The following PCDHGA2 variants were observed in gnomAD, a reference collection of about 807,000 sequenced individuals.
PCDHGA2 encodes the protein protocadherin gamma-A2.
A neutral mutation model predicts 59.2 loss-of-function variants in PCDHGA2; 40 were observed. That is an observed-to-expected ratio of 0.68 (90% CI 0.52 to 0.88). The LOEUF (loss-of-function observed/expected upper bound fraction) is 0.88, where lower values mean the gene tolerates loss of function less well. PCDHGA2 is among the 40% of genes least tolerant of loss of function. The pLI is 0.00. For missense variants in PCDHGA2, 1,226 were observed against 1,204.0 expected, an observed-to-expected ratio of 1.02 and a Z score of -0.27; for synonymous variants, 560 against 526.0, an observed-to-expected ratio of 1.06 and a Z score of -0.89.
At position 141,503,509 on chromosome 5, in the gene PCDHGA2, G is replaced by A. The variant is rs373282648; in HGVS notation, c.2484-1884G>A. ...AGCTGCTCAAGAGGCTGAGGCAGGA[G>A]AATCACTTGAACCTGGGAGGCAGAG... On this transcript the variant is annotated intron_variant, in intron 2 of 3. Transcript: ENST00000394576. Among the ~76,000 whole-genome samples the A allele has an allele frequency of 9.4e-5, 14 of 149,410 alleles. No individual in the cohort carries two copies. The South Asian group carries it at 1.5e-3, about 16-fold the overall frequency.
intron 1 of PCDHGA2, among the ~76,000 whole-genome samples, chr5:141,454,924 C>T (rs1252057038): frequency 6.7e-6 from 1 of 149,858 alleles, no homozygotes; most frequent in Non-Finnish European, 1.5e-5. Context: ...TCTCCTGCCT[C>T]AGCCTCCCGA....
Position 141,491,265 on chromosome 5 carries a change from CA to C in PCDHGA2, c.2425-3539del. ...AGGATGAGGACCCTGAGGAAATGCC[CA>C]AATCCAGTGACTTCCTCATACACCC... On this transcript the variant is annotated intron_variant, in intron 1 of 3. Coordinates refer to ENST00000394576, the MANE Select transcript of PCDHGA2 (RefSeq NM_018915.4). This position sits in a 1 kb window ranked among gnomAD's most constrained non-coding sequence, Gnocchi z 6.9. 1 of 1,614,074 alleles carries C rather than the reference CA, an allele frequency of 6.2e-7. No individual in the cohort carries two copies.
At chr5:141,468,953 T>G (rs182999574) in intron 1 of PCDHGA2, among the ~76,000 whole-genome samples, 1,938 of 89,156 alleles carry the variant, frequency 0.022, 22 homozygotes, top group Non-Finnish European at 0.033. Flanking sequence ...AAACCTGTGG[T>G]TTTTTTTACC....
chr5:141,413,050 G>C (rs868475186), intron 1 of PCDHGA2: 5 of 939,920 alleles, frequency 5.3e-6, no homozygotes, highest in Middle Eastern at 3.3e-4. Flanking sequence ...CTGCAGGGAA[G>C]CTCACTCCAG....
At chr5:141,376,287 T>A in intron 1 of PCDHGA2, 1 of 1,614,228 alleles carries the variant, frequency 6.2e-7, no homozygotes, top group Non-Finnish European at 8.5e-7. Flanking sequence ...TTAGCGAGCA[T>A]GCCCGGCTCG....
At chr5:141,353,863 T>C (rs773709033) in intron 1 of PCDHGA2, among the ~76,000 whole-genome samples, 4 of 152,250 alleles carry the variant, frequency 2.6e-5, no homozygotes, top group Non-Finnish European at 5.9e-5. Context: ...ACGTTTAATC[T>C]ACTCTCTCAA....
chr5:141,434,506 T>C (rs2154556236), intron 1 of PCDHGA2, among the ~76,000 whole-genome samples: 2 of 152,344 alleles, frequency 1.3e-5, no homozygotes, highest in East Asian at 3.9e-4. Context: ...GGCAGAAAAC[T>C]GCTTAAAGGT....
In PCDHGA2 at chr5:141,477,472, C is replaced by T. The variant is rs764533834; in HGVS notation, c.2425-17335C>T. 1 of 1,614,156 alleles carries T rather than the reference C, an allele frequency of 6.2e-7. No homozygotes were observed. Among genetic ancestry groups the T allele is most frequent in the South Asian group, 1.1e-5 (1 of 91,080 alleles). Reference sequence around the variant, plus strand: ...GTGTTCAAGTGTCCGACATCAATGACAACCCTCCACAATCTTCTCAATCTT... The same window carrying T: ...GTGTTCAAGTGTCCGACATCAATGATAACCCTCCACAATCTTCTCAATCTT... On this transcript the variant is annotated intron_variant, in intron 1 of 3. Transcript: ENST00000394576. This position sits in a 1 kb window ranked among gnomAD's most constrained non-coding sequence, Gnocchi z 4.9.
At chr5:141,398,041 G>A in intron 1 of PCDHGA2, 3 of 1,492,894 alleles carry the variant, frequency 2.0e-6, no homozygotes, top group Non-Finnish European at 2.7e-6. Context: ...ACTAAAGCCC[G>A]TTCGGAGATC....
At chr5:141,440,165 A>G (rs935524872) in intron 1 of PCDHGA2, 2 of 152,300 alleles carry the variant, frequency 1.3e-5, no homozygotes, top group African/African-American at 4.8e-5. Flanking sequence ...AGCTTGGGCC[A>G]TAACGCTTTG....
At chr5:141,361,570 C>T in intron 1 of PCDHGA2, 1 of 1,614,036 alleles carries the variant, frequency 6.2e-7, no homozygotes, top group Non-Finnish European at 8.5e-7. Context: ...TGCCTCTGAC[C>T]CTGACTTGGG....
intron 1 of PCDHGA2, chr5:141,408,054 C>G (rs1561710214): frequency 1.5e-6 from 2 of 1,295,924 alleles, no homozygotes; most frequent in East Asian, 2.6e-5. Flanking sequence ...CACAGAGCCT[C>G]CCGGCTGCGC....
In PCDHGA2 at chr5:141,423,465, G is replaced by A. The variant is rs762995150; in HGVS notation, c.2425-71342G>A. On this transcript the variant is annotated intron_variant, in intron 1 of 3. Coordinates refer to ENST00000394576, the MANE Select transcript of PCDHGA2 (RefSeq NM_018915.4). ...CGTCACATTTTGTAGGCGTGGACGG[G>A]GTACAGGCTTTCCTGCAAACCTATT... The A allele has an allele frequency of 2.6e-5, 42 of 1,614,006 alleles. 1 individual carries two copies. The Middle Eastern group carries it at 1.5e-3, about 57-fold the overall frequency.
intron 2 of PCDHGA2, among the ~76,000 whole-genome samples, chr5:141,504,451 G>A (rs2099838355): frequency 1.3e-5 from 2 of 152,070 alleles, no homozygotes; most frequent in South Asian, 4.2e-4. Context: ...CTAGTGCCAT[G>A]TGGGGCAGCC....
chr5:141,365,178 A>G, intron 1 of PCDHGA2: 2 of 1,613,928 alleles, frequency 1.2e-6, no homozygotes, highest in Non-Finnish European at 1.7e-6. Flanking sequence ...TCTTTTCGCA[A>G]TGAAGAAGAA....
In PCDHGA2 at chr5:141,493,811, A is replaced by T. The variant is rs956872917; in HGVS notation, c.2425-996A>T. Reference sequence around the variant, plus strand: ...CTCCCTGGAGTAATCTGAGATACTCACACTCTCTGCTTCTGGGAGCAAGTA... The same window carrying T: ...CTCCCTGGAGTAATCTGAGATACTCTCACTCTCTGCTTCTGGGAGCAAGTA... On this transcript the variant is annotated intron_variant, in intron 1 of 3. Transcript: ENST00000394576. The surrounding 1 kb of genome is among the most constrained non-coding windows in gnomAD (Gnocchi z 4.3). Among the ~76,000 whole-genome samples the T allele has an allele frequency of 1.3e-5, 2 of 152,154 alleles. No homozygotes were observed. The highest frequency in any genetic ancestry group is 2.9e-5 in the Non-Finnish European group (2 of 68,036).
intron 1 of PCDHGA2, chr5:141,409,896 C>T (rs1181128940): frequency 6.2e-7 from 1 of 1,613,240 alleles, no homozygotes; most frequent in East Asian, 2.2e-5. Flanking sequence ...GTGCTGTACC[C>T]AGCTCTGGGT....
intron 3 of PCDHGA2, among the ~76,000 whole-genome samples, chr5:141,510,584 C>T (rs2099881791): frequency 1.3e-5 from 2 of 152,184 alleles, no homozygotes. Flanking sequence ...TTTTACGTAC[C>T]TGACATACAT....
At chr5:141,427,422 G>C (rs922637577) in intron 1 of PCDHGA2, 1 of 468,292 alleles carries the variant, frequency 2.1e-6, no homozygotes, top group Non-Finnish European at 4.3e-6. Context: ...AAATGGGGAG[G>C]TTACATGCCT....
Sources: gnomAD v4.1 joint callset for allele counts (sites outside exome capture counted in the v4.1 genomes callset) on GRCh38, gnomAD v4.1.1 for gene constraint, Gnocchi (gnomAD v3.1) non-coding constraint, MANE v1.5 for transcripts, NCBI Gene and HGNC (gene_info 2026-07-23, HGNC 2026-07-21) for gene names.